Variants in SIX4 observed in about 807,000 individuals in gnomAD.
The protein encoded by SIX4 is SIX homeobox 4.
A neutral mutation model predicts 51.5 loss-of-function variants in SIX4; 23 were observed. The observed-to-expected ratio is 0.45, with a 90% confidence interval of 0.32 to 0.63. The LOEUF is 0.63. Among genes scored for constraint, SIX4 ranks in the 30% least tolerant of loss-of-function variants. The pLI, the probability that SIX4 is intolerant of heterozygous loss-of-function variation, is 0.04. For missense variants in SIX4, 867 were observed against 984.0 expected (o/e 0.88, Z 1.59); for synonymous variants, 413 against 417.3 (o/e 0.99, Z 0.13).
In SIX4 at chr14:60,713,966, GA is replaced by G; in HGVS notation, c.1786del (p.Ser596LeufsTer16). ...QNAQVNANLSSENISGSGLHP... is the reference protein window; with the variant it reads ...QNAQVNANLSXENISGSGLHP... The stretch of plus-strand genomic sequence containing the variant: ...CAGGCCACTCCCCGAGATGTTTTCA[GA>G]AGACAGGTTTGCATTTACTTGTGCA... On this transcript the variant is annotated frameshift_variant, in exon 3 of 3. Transcript: ENST00000216513. LOFTEE classifies it high-confidence loss of function. 6.2e-7 allele frequency: 1 copy of G among 1,614,158 alleles called. No individual in the cohort carries two copies. Among genetic ancestry groups the G allele is most frequent in the Non-Finnish European group, 8.5e-7 (1 of 1,180,008 alleles).
In SIX4 at chr14:60,724,148, C is replaced by T. The variant is rs1003774274; in HGVS notation, c.-74G>A. ...CTCTTTCTTTCCTCCTCTCTTACTC[C>T]TCCTCCTTCGTCTCCCTCCCTCCTC... On this transcript the variant is annotated 5_prime_UTR_variant, in exon 1 of 3. Transcript: ENST00000216513. The T allele has an allele frequency of 6.2e-7, 1 of 1,605,600 alleles. No homozygotes were observed. Among genetic ancestry groups the T allele is most frequent in the African/African-American group, 1.3e-5 (1 of 74,718 alleles).
chr14:60,723,045 C>G (rs1707164618), intron 1 of SIX4, 167 bp downstream of exon 1: 24 of 1,409,394 alleles, frequency 1.7e-5, no homozygotes, highest in Non-Finnish European at 2.1e-5. Flanking sequence ...CTCCGCCGCC[C>G]CCTACCTCTG....
chr14:60,715,324 G>T (rs1895903959), intron 2 of SIX4, among the ~76,000 whole-genome samples: 2 of 152,102 alleles, frequency 1.3e-5, no homozygotes, highest in African/African-American at 4.8e-5. Flanking sequence ...TGGCAATGCA[G>T]AACTTACCAC....
Position 60,720,481 on chromosome 14 carries a change from CA to C in SIX4, c.864-37del, listed in dbSNP as rs757517908. 4 of 1,580,810 alleles carry C rather than the reference CA, an allele frequency of 2.5e-6. No individual in the cohort carries two copies. The East Asian group carries it at 6.7e-5, about 27-fold the overall frequency. On this transcript the variant is annotated intron_variant, in intron 1 of 2. Coordinates refer to ENST00000216513, the MANE Select transcript of SIX4 (RefSeq NM_017420.5). This position sits in a 1 kb window ranked among gnomAD's most constrained non-coding sequence, Gnocchi z 5.5. The stretch of plus-strand genomic sequence containing the variant: ...GGGGAAATCAAAATGTTCAGAAGGT[CA>C]GGGGGATGACATTCTACACAGTGCC...
rs775221269 is a variant in SIX4, at chr14:60,720,183, C to T, written c.1126G>A (p.Val376Ile). Residue 376 changes from valine (V) to isoleucine (I), a missense_variant, in exon 2 of 3, where the codon GTT becomes ATT. Coordinates refer to ENST00000216513, the MANE Select transcript of SIX4 (RefSeq NM_017420.5). This position sits in a 1 kb window ranked among gnomAD's most constrained non-coding sequence, Gnocchi z 5.5. ...GNSFIQGPSG[V>I]ILNGLNVGNT... is the part of the protein sequence containing the mutation. ...CCCACATTTAATCCATTAAGGATAA[C>T]TCCACTGGGTCCCTGAATAAAAGAA... is the stretch of plus-strand genomic sequence containing the variant. The T allele has an allele frequency of 8.1e-6, 13 of 1,614,116 alleles. No individual in the cohort carries two copies. The highest frequency in any genetic ancestry group is 1.1e-5 in the Non-Finnish European group (13 of 1,180,060).
intron 2 of SIX4, among the ~76,000 whole-genome samples, chr14:60,718,468 ATTCT>A (rs1424849104): frequency 6.6e-6 from 1 of 152,154 alleles, no homozygotes; most frequent in African/African-American, 2.4e-5. Context: ...TACATAACTC[ATTCT>A]TTCTGCTCAA....
rs1053473992 is a variant in SIX4 at position 60,720,534 on chromosome 14, T to C, written c.864-89A>G. The C allele has an allele frequency of 7.9e-7, 1 of 1,271,012 alleles. No individual in the cohort carries two copies. The highest frequency in any genetic ancestry group is 1.5e-5 in the African/African-American group (1 of 67,034). The allele number at this position is 1,271,012 out of a possible 1,614,324, so 78.7% of individuals were successfully genotyped here. On this transcript the variant is annotated intron_variant, in intron 1 of 2. Coordinates refer to ENST00000216513, the MANE Select transcript of SIX4 (RefSeq NM_017420.5). The surrounding 1 kb of genome is among the most constrained non-coding windows in gnomAD (Gnocchi z 5.5). ...CTTGTTTGGAAAACCAGCTTCTAAATCCATTAAAGGCAGTATTTAAGGAAA... is the reference window on the plus strand; with the variant it reads ...CTTGTTTGGAAAACCAGCTTCTAAACCCATTAAAGGCAGTATTTAAGGAAA...
chr14:60,720,205 A>G lies in SIX4; in HGVS notation c.1104T>C (p.Ser368=). 6.2e-7 allele frequency: 1 copy of G among 1,614,268 alleles called. No homozygotes were observed. Among genetic ancestry groups the G allele is most frequent in the Non-Finnish European group, 8.5e-7 (1 of 1,180,056 alleles). The part of the protein sequence containing the change: ...STSPVFLNGN[S]FIQGPSGVIL... ...TAACTCCACTGGGTCCCTGAATAAA[A>G]GAATTTCCATTAAGGAAGACAGGTG... Residue 368 remains serine, a synonymous_variant, in exon 2 of 3, where the codon TCT becomes TCC. Transcript: ENST00000216513. This position sits in a 1 kb window ranked among gnomAD's most constrained non-coding sequence, Gnocchi z 5.5.
In SIX4 at chr14:60,713,359, GAA is replaced by G. The variant is rs746895087; in HGVS notation, c.*46_*47del. The G allele has an allele frequency of 2.0e-6, 3 of 1,529,852 alleles. No homozygotes were observed. The African/African-American group carries it at 4.2e-5, about 21-fold the overall frequency. The allele number at this position is 1,529,852 out of a possible 1,614,324, so 94.8% of individuals were successfully genotyped here. A position where few individuals can be genotyped will look rare whatever the true frequency, so the allele number is the denominator to read the frequency against. ...ATGTTTTGTGTCCTTGGGGCTTCATGAAAAGATTTGCCGCTGATGCCAAAAAG... is the reference window on the plus strand; with the variant it reads ...ATGTTTTGTGTCCTTGGGGCTTCATGAAGATTTGCCGCTGATGCCAAAAAG... On this transcript the variant is annotated 3_prime_UTR_variant, in exon 3 of 3. Coordinates refer to ENST00000216513, the MANE Select transcript of SIX4 (RefSeq NM_017420.5).
At position 60,710,403 on chromosome 14, in the gene SIX4, GCA is replaced by G. The variant is rs1895799815; in HGVS notation, c.*3002_*3003del. On this transcript the variant is annotated 3_prime_UTR_variant, in exon 3 of 3. Coordinates refer to ENST00000216513, the MANE Select transcript of SIX4 (RefSeq NM_017420.5). ...GCTCTTGCTTGATTGAGGAACAAAT[GCA>G]CCTTCTCTTTAAACAATAGACTGTC... 6.6e-6 allele frequency: 1 copy of G among 152,554 alleles called. No individual in the cohort carries two copies. The highest frequency in any genetic ancestry group is 2.4e-5 in the African/African-American group (1 of 41,430). The allele number at this position is 152,554 out of a possible 1,614,324, so 9.5% of individuals were successfully genotyped here.
Position 60,719,156 on chromosome 14 carries a change from A to G in SIX4, c.1549+604T>C, listed in dbSNP as rs7142026. Among the ~76,000 whole-genome samples, 4,136 of 152,302 alleles carry G rather than the reference A, an allele frequency of 0.027. 176 individuals carry two copies. Among genetic ancestry groups the G allele is most frequent in the African/African-American group, 0.093 (3,860 of 41,552 alleles). ...ACAAACATATAAAATAAGGCTTACT[A>G]TTATCTTCACAAATAAACCCACACA... is the stretch of plus-strand genomic sequence containing the variant. On this transcript the variant is annotated intron_variant, in intron 2 of 2. Transcript: ENST00000216513. This position sits in a 1 kb window ranked among gnomAD's most constrained non-coding sequence, Gnocchi z 4.9.
rs1274515870 is a variant in SIX4 at position 60,719,227 on chromosome 14, T to C, written c.1549+533A>G. On this transcript the variant is annotated intron_variant, in intron 2 of 2. Transcript: ENST00000216513. The surrounding 1 kb of genome is among the most constrained non-coding windows in gnomAD (Gnocchi z 4.9). ...GCTGAGCGATAGAAATCCAATGGCA[T>C]ATTCCTCTGATTTTCTTTTAGGTCT... 1.3e-5 allele frequency among the ~76,000 whole-genome samples: 2 copies of C among 152,236 alleles called. No homozygotes were observed. Among genetic ancestry groups the C allele is most frequent in the East Asian group, 3.8e-4 (2 of 5,198 alleles).
In SIX4 at chr14:60,722,956, G is replaced by C. The variant is rs1896052575; in HGVS notation, c.863+256C>G. Reference sequence around the variant, plus strand: ...AGTGACCAGCCGAGGTGGGGGCGGGGACTGAGACCTAGGCGGGCGACCAGA... The same window carrying C: ...AGTGACCAGCCGAGGTGGGGGCGGGCACTGAGACCTAGGCGGGCGACCAGA... On this transcript the variant is annotated intron_variant, in intron 1 of 2. Coordinates refer to ENST00000216513, the MANE Select transcript of SIX4 (RefSeq NM_017420.5). This position sits in a 1 kb window ranked among gnomAD's most constrained non-coding sequence, Gnocchi z 5.9. 1.7e-6 allele frequency: 1 copy of C among 579,830 alleles called. No homozygotes were observed. Among genetic ancestry groups the C allele is most frequent in the East Asian group, 3.4e-5 (1 of 29,188 alleles). The allele number at this position is 579,830 out of a possible 1,614,324, so 35.9% of individuals were successfully genotyped here. A position where few individuals can be genotyped will look rare whatever the true frequency, so the allele number is the denominator to read the frequency against.
chr14:60,723,741 G>A lies in SIX4; in HGVS notation c.334C>T (p.His112Tyr). ...AQTPLAFSPD[H>Y]VACVCEALQQ... is the part of the protein sequence containing the mutation. ...AGTGCCTCGCACACGCAGGCGACGT[G>A]GTCGGGCGAGAAGGCCAGCGGGGTC... The change falls in exon 1 of 3, where the codon CAC (histidine) becomes TAC (tyrosine). Residue 112 changes from histidine to tyrosine, a missense_variant. His to Tyr is a moderately conservative substitution (Grantham distance 83). Coordinates refer to ENST00000216513, the MANE Select transcript of SIX4 (RefSeq NM_017420.5). 1 of 1,543,934 alleles carries A rather than the reference G, an allele frequency of 6.5e-7. No individual in the cohort carries two copies. The highest frequency in any genetic ancestry group is 8.7e-7 in the Non-Finnish European group (1 of 1,147,572).
Position 60,724,325 on chromosome 14 carries a change from TC to T in SIX4, c.-252del. The T allele has an allele frequency of 6.7e-7, 1 of 1,481,684 alleles. No homozygotes were observed. Among genetic ancestry groups the T allele is most frequent in the East Asian group, 2.7e-5 (1 of 36,758 alleles). 91.8% of individuals were successfully genotyped at this position (1,481,684 alleles called of 1,614,324 possible). A position where few individuals can be genotyped will look rare whatever the true frequency, so the allele number is the denominator to read the frequency against. Reference sequence around the variant, plus strand: ...CTTTCTGCCGTTCCCCCAACGTGACTCCTCCGGTTGCTGCATACTATATGGC... The same window carrying T: ...CTTTCTGCCGTTCCCCCAACGTGACTCTCCGGTTGCTGCATACTATATGGC... On this transcript the variant is annotated 5_prime_UTR_variant, in exon 1 of 3. It removes the in-frame stop codon of an upstream open reading frame in the 5' UTR. Transcript: ENST00000216513.
chr14:60,716,014 T>C (rs1397037538), intron 2 of SIX4, among the ~76,000 whole-genome samples: 1 of 151,756 alleles, frequency 6.6e-6, no homozygotes, highest in South Asian at 2.1e-4. Context: ...TACAGATGCA[T>C]GTCACCATGC....
chr14:60,720,052 C>A lies in SIX4; in HGVS notation c.1257G>T (p.Lys419Asn). The change falls in exon 2 of 3, where the codon AAG becomes AAT. Residue 419 changes from lysine to asparagine, a missense_variant. Coordinates refer to ENST00000216513, the MANE Select transcript of SIX4 (RefSeq NM_017420.5). This position sits in a 1 kb window ranked among gnomAD's most constrained non-coding sequence, Gnocchi z 5.5. ...CAGAACTCTGGAGGACTTTGAATTC[C>A]TTCACGTCCTGGGAAGTAGACCCCA... Reference protein sequence around the residue: ...DILGSTSQDVKEFKVLQSSAN... With the variant: ...DILGSTSQDVNEFKVLQSSAN... 1 of 1,614,200 alleles carries A rather than the reference C, an allele frequency of 6.2e-7. No individual in the cohort carries two copies. The highest frequency in any genetic ancestry group is 8.5e-7 in the Non-Finnish European group (1 of 1,180,030).
chr14:60,720,797 T>C lies in SIX4; in HGVS notation c.864-352A>G, dbSNP rs1470953264. 6.6e-6 allele frequency among the ~76,000 whole-genome samples: 1 copy of C among 152,194 alleles called. No homozygotes were observed. Among genetic ancestry groups the C allele is most frequent in the Non-Finnish European group, 1.5e-5 (1 of 68,034 alleles). On this transcript the variant is annotated intron_variant, in intron 1 of 2. Transcript: ENST00000216513. The surrounding 1 kb of genome is among the most constrained non-coding windows in gnomAD (Gnocchi z 5.5). Reference sequence around the variant, plus strand: ...GTTACATATGCTGCTACTGACACCATAGAAAAAAACACCTTAAATGAGGTG... The same window carrying C: ...GTTACATATGCTGCTACTGACACCACAGAAAAAAACACCTTAAATGAGGTG...
chr14:60,721,326 TGGGA>T (rs1038204835), intron 1 of SIX4, among the ~76,000 whole-genome samples: 3 of 152,018 alleles, frequency 2.0e-5, no homozygotes, highest in African/African-American at 7.3e-5. Context: ...GGTCTGAGGC[TGGGA>T]GGGAGAGCAA....
Sources: gnomAD v4.1 joint callset for allele counts (sites outside exome capture counted in the v4.1 genomes callset) on GRCh38, gnomAD v4.1.1 for gene constraint, Gnocchi (gnomAD v3.1) non-coding constraint, MANE v1.5 for transcripts, NCBI Gene and HGNC (gene_info 2026-07-23, HGNC 2026-07-21) for gene names.